MNAT1: variants seen among roughly 807,000 people sequenced by gnomAD.
MNAT1 encodes the protein CDK-activating kinase assembly factor MAT1.
MNAT1 carries 43 observed loss-of-function variants against 42.0 expected under a neutral mutation model. The observed-to-expected ratio is 1.02, with a 90% confidence interval of 0.80 to 1.32. The LOEUF (loss-of-function observed/expected upper bound fraction) is 1.32, where lower values mean the gene tolerates loss of function less well. Ranked by LOEUF, MNAT1 falls within the 40% of genes most tolerant of loss-of-function variation. The pLI, the probability that MNAT1 is intolerant of heterozygous loss-of-function variation, is 0.00. For missense variants in MNAT1, 306 were observed against 350.4 expected (o/e 0.87, Z 1.01); for synonymous variants, 118 against 120.0 (o/e 0.98, Z 0.11).
intron 7 of MNAT1, among the ~76,000 whole-genome samples, chr14:60,882,188 A>C (rs780615808): frequency 6.6e-6 from 1 of 151,914 alleles, no homozygotes; most frequent in Non-Finnish European, 1.5e-5. Flanking sequence ...GTTCCTATTC[A>C]TTCTAACTAT....
At chr14:60,743,300 T>TC (rs1464223201) in intron 1 of MNAT1, among the ~76,000 whole-genome samples, 2 of 152,270 alleles carry the variant, frequency 1.3e-5, no homozygotes, top group East Asian at 3.9e-4. Flanking sequence ...CATTTCTTTT[T>TC]TTTTTTGAGA....
intron 1 of MNAT1, among the ~76,000 whole-genome samples, chr14:60,771,379 T>A (rs147584164): frequency 1.3e-5 from 2 of 152,334 alleles, no homozygotes; most frequent in Non-Finnish European, 2.9e-5. Context: ...ATTTGTCCAC[T>A]TTTTACTCTC....
chr14:60,956,909 A>G (rs1465610918), intron 7 of MNAT1, among the ~76,000 whole-genome samples: 1 of 152,138 alleles, frequency 6.6e-6, no homozygotes, highest in African/African-American at 2.4e-5. Flanking sequence ...CAGGCAGCAT[A>G]TAATTGGGTC....
intron 3 of MNAT1, among the ~76,000 whole-genome samples, chr14:60,803,091 C>G (rs2139338073): frequency 6.6e-6 from 1 of 151,942 alleles, no homozygotes; most frequent in African/African-American, 2.4e-5. Flanking sequence ...ACCACCATGC[C>G]TGGCTAATTT....
intron 1 of MNAT1, among the ~76,000 whole-genome samples, chr14:60,757,931 A>G (rs2030427588): frequency 6.6e-6 from 1 of 152,158 alleles, no homozygotes; most frequent in Non-Finnish European, 1.5e-5. Context: ...TAAGTATGGA[A>G]GATAGACAAA....
At chr14:60,751,875 A>G (rs1334653665) in intron 1 of MNAT1, among the ~76,000 whole-genome samples, 1 of 152,116 alleles carries the variant, frequency 6.6e-6, no homozygotes, top group East Asian at 1.9e-4. Flanking sequence ...TGAAGCCTCC[A>G]TCAATATGGT....
At chr14:60,773,455 T>C (rs900665486) in intron 1 of MNAT1, among the ~76,000 whole-genome samples, 2 of 152,034 alleles carry the variant, frequency 1.3e-5, no homozygotes, top group African/African-American at 4.8e-5. Flanking sequence ...AGACAGATAT[T>C]AAACACAAAA....
intron 1 of MNAT1, among the ~76,000 whole-genome samples, chr14:60,739,952 G>A (rs903678177): frequency 2.0e-5 from 3 of 152,136 alleles, no homozygotes; most frequent in Non-Finnish European, 2.9e-5. Flanking sequence ...TCAGGAGTTC[G>A]AGACCATCCT....
At chr14:60,957,670 T>C (rs2036509967) in intron 7 of MNAT1, among the ~76,000 whole-genome samples, 2 of 152,264 alleles carry the variant, frequency 1.3e-5, no homozygotes, top group South Asian at 4.1e-4. Flanking sequence ...TATGTATTTT[T>C]ACATTATATA....
chr14:60,863,439 GC>G (rs2034141322), intron 6 of MNAT1, among the ~76,000 whole-genome samples: 1 of 152,078 alleles, frequency 6.6e-6, no homozygotes, highest in African/African-American at 2.4e-5. Flanking sequence ...AGCAAATGCA[GC>G]TGATTGGCAG....
intron 3 of MNAT1, among the ~76,000 whole-genome samples, chr14:60,805,256 A>T (rs1195224036): frequency 6.6e-6 from 1 of 151,440 alleles, no homozygotes; most frequent in Non-Finnish European, 1.5e-5. Context: ...TTTTTAGTGA[A>T]GTTTCAGATT....
In MNAT1 at chr14:60,761,822, T is replaced by C. The variant is rs531462826; in HGVS notation, c.89+26871T>C. On this transcript the variant is annotated intron_variant, in intron 1 of 7. Transcript: ENST00000261245. The stretch of plus-strand genomic sequence containing the variant: ...TCAAGTGTAACACTAATTAAATGTG[T>C]TATGAGCTGCTTTCCCTTTCTTATA... Among the ~76,000 whole-genome samples, 8 of 152,336 alleles carry C rather than the reference T, an allele frequency of 5.3e-5. No individual in the cohort carries two copies. The South Asian group carries it at 1.7e-3, about 32-fold the overall frequency.
intron 7 of MNAT1, among the ~76,000 whole-genome samples, chr14:60,911,319 T>C (rs1425920497): frequency 6.6e-6 from 1 of 152,234 alleles, no homozygotes; most frequent in Non-Finnish European, 1.5e-5. Context: ...TGTGTCTCTA[T>C]TTCCGTCAGT....
chr14:60,947,141 A>G (rs2036292527), intron 7 of MNAT1, among the ~76,000 whole-genome samples: 1 of 152,226 alleles, frequency 6.6e-6, no homozygotes, highest in Admixed American at 6.5e-5. Flanking sequence ...TTAAGGGTAG[A>G]GGTAACACAA....
At chr14:60,907,837 T>C (rs2035243708) in intron 7 of MNAT1, among the ~76,000 whole-genome samples, 1 of 148,562 alleles carries the variant, frequency 6.7e-6, no homozygotes, top group Non-Finnish European at 1.5e-5. Context: ...GAAACAAAGA[T>C]TGCAACAGTA....
At chr14:60,960,190 C>T (rs1182263315) in intron 7 of MNAT1, among the ~76,000 whole-genome samples, 2 of 152,134 alleles carry the variant, frequency 1.3e-5, no homozygotes, top group South Asian at 2.1e-4. Flanking sequence ...TATTGTTTTC[C>T]TCCTTTCCAG....
chr14:60,932,910 T>C (rs577966509), intron 7 of MNAT1, among the ~76,000 whole-genome samples: 1 of 152,212 alleles, frequency 6.6e-6, no homozygotes, highest in Admixed American at 6.5e-5. Context: ...ACTTTGAAGA[T>C]ATATGAATCA....
At chr14:60,816,814 TA>T (rs1347338968) in intron 5 of MNAT1, among the ~76,000 whole-genome samples, 2 of 152,052 alleles carry the variant, frequency 1.3e-5, no homozygotes. Context: ...ATTTGAGTGC[TA>T]AAATAGAATA....
intron 7 of MNAT1, among the ~76,000 whole-genome samples, chr14:60,925,784 G>A (rs2035753099): frequency 6.6e-6 from 1 of 152,098 alleles, no homozygotes; most frequent in Non-Finnish European, 1.5e-5. Flanking sequence ...TATCTTTCAT[G>A]TCTGGCTTCT....
Sources: gnomAD v4.1 joint callset for allele counts (sites outside exome capture counted in the v4.1 genomes callset) on GRCh38, gnomAD v4.1.1 for gene constraint, MANE v1.5 for transcripts, NCBI Gene and HGNC (gene_info 2026-07-23, HGNC 2026-07-21) for gene names.